The following SPAG16 variants were observed in gnomAD, a reference collection of about 807,000 sequenced individuals.
The protein encoded by SPAG16 is sperm-associated antigen 16 protein.
In SPAG16, 86 loss-of-function variants were observed where a neutral mutation model predicts 80.4. That is an observed-to-expected ratio of 1.07 (90% CI 0.90 to 1.28). SPAG16 has a LOEUF of 1.28. Among genes scored for constraint, SPAG16 ranks in the 50% most tolerant of loss-of-function variants. The probability of loss-of-function intolerance (pLI) is 0.00; values close to 1 mark genes in which losing one functional copy is unlikely to be tolerated. For synonymous variants in SPAG16, 294 were observed against 265.9 expected (o/e 1.11, Z -1.03); for missense variants, 870 against 765.3 (o/e 1.14, Z -1.61).
intron 15 of SPAG16, among the ~76,000 whole-genome samples, chr2:214,246,833 A>C (rs1689883528): frequency 6.6e-6 from 1 of 152,160 alleles, no homozygotes; most frequent in African/African-American, 2.4e-5. Context: ...TTAGGTAAAG[A>C]AAAATGATTC....
At chr2:213,994,981 A>G (rs2046449428) in intron 12 of SPAG16, among the ~76,000 whole-genome samples, 1 of 152,178 alleles carries the variant, frequency 6.6e-6, no homozygotes, top group South Asian at 2.1e-4. Context: ...AATAAAGAAA[A>G]GATTTAATTA....
intron 10 of SPAG16, among the ~76,000 whole-genome samples, chr2:213,789,033 AAAG>A (rs1575140874): frequency 6.6e-6 from 1 of 151,998 alleles, no homozygotes. Context: ...TCTGTCACTG[AAAG>A]AAGAATGTCA....
At chr2:213,776,230 C>G (rs765112026) in intron 10 of SPAG16, among the ~76,000 whole-genome samples, 14 of 152,166 alleles carry the variant, frequency 9.2e-5, no homozygotes, top group Non-Finnish European at 1.9e-4. Flanking sequence ...CCAGTCTAAT[C>G]ATAGGAGCCC....
At chr2:213,288,645 CTTTT>C (rs74889309) in intron 1 of SPAG16, among the ~76,000 whole-genome samples, 3 of 145,454 alleles carry the variant, frequency 2.1e-5, no homozygotes, top group African/African-American at 7.5e-5. Flanking sequence ...TGGTTTTTAA[CTTTT>C]TTTTTTTTTA....
intron 15 of SPAG16, among the ~76,000 whole-genome samples, chr2:214,182,768 G>A (rs150715323): frequency 1.9e-3 from 296 of 151,900 alleles, no homozygotes; most frequent in African/African-American, 6.8e-3. Flanking sequence ...TGTAAGAAAC[G>A]ATCTCCTTAC....
At chr2:213,550,218 T>C (rs1326659093) in intron 10 of SPAG16, among the ~76,000 whole-genome samples, 3 of 128,832 alleles carry the variant, frequency 2.3e-5, no homozygotes. Flanking sequence ...TATCACAGAC[T>C]TTTTTTTTTC....
At chr2:213,928,904 TACACACACACACACACAC>T (rs71063798) in intron 11 of SPAG16, among the ~76,000 whole-genome samples, 18 of 142,978 alleles carry the variant, frequency 1.3e-4, no homozygotes, top group African/African-American at 2.7e-4. Flanking sequence ...CAGCTGATGT[TACACACACACACACACAC>T]ACACACACAC....
intron 15 of SPAG16, among the ~76,000 whole-genome samples, chr2:214,354,458 C>T (rs1007720587): frequency 1.2e-4 from 18 of 152,084 alleles, no homozygotes; most frequent in Admixed American, 9.8e-4. Context: ...GTTCTTTTGG[C>T]TTAGAATTGA....
chr2:213,646,548 A>G (rs887008322), intron 10 of SPAG16, among the ~76,000 whole-genome samples: 14 of 152,256 alleles, frequency 9.2e-5, no homozygotes, highest in African/African-American at 3.4e-4. Context: ...AGAGAATTAC[A>G]TATCATACCA....
intron 10 of SPAG16, among the ~76,000 whole-genome samples, chr2:213,698,827 A>T (rs1345666306): frequency 6.6e-6 from 1 of 152,134 alleles, no homozygotes; most frequent in African/African-American, 2.4e-5. Context: ...TTGAATTCTG[A>T]CCTTGCTTTT....
At chr2:213,383,607 T>C (rs1481709930) in intron 9 of SPAG16, among the ~76,000 whole-genome samples, 1 of 152,158 alleles carries the variant, frequency 6.6e-6, no homozygotes, top group African/African-American at 2.4e-5. Flanking sequence ...TATTACAAGT[T>C]TGTAGGACCT....
chr2:214,161,168 G>A (rs950153222), intron 15 of SPAG16, among the ~76,000 whole-genome samples: 2 of 151,948 alleles, frequency 1.3e-5, no homozygotes, highest in Admixed American at 6.6e-5. Context: ...TTCCATGGTG[G>A]AGATGTACAA....
Position 213,310,182 on chromosome 2 carries a change from A to C in SPAG16, c.398+5A>C, listed in dbSNP as rs188180392. ...TGATTGCTTTCAGTCTGAATGGTAA[A>C]CAATTATGTAGATAAATAGTTCTCT... On this transcript the variant is annotated splice_donor_5th_base_variant and intron_variant, in intron 4 of 15. Coordinates refer to ENST00000331683, the MANE Select transcript of SPAG16 (RefSeq NM_024532.5). 1.8e-5 allele frequency: 28 copies of C among 1,538,734 alleles called. No individual in the cohort carries two copies. In the Admixed American group the frequency reaches 3.6e-4, roughly 20 times the overall value.
At chr2:213,351,181 T>C (rs943767350) in intron 7 of SPAG16, among the ~76,000 whole-genome samples, 1 of 152,202 alleles carries the variant, frequency 6.6e-6, no homozygotes, top group Admixed American at 6.5e-5. Context: ...AATTGAGACA[T>C]AAATTTATAG....
intron 1 of SPAG16, among the ~76,000 whole-genome samples, chr2:213,295,221 G>GA: frequency 6.6e-6 from 1 of 151,894 alleles, no homozygotes; most frequent in East Asian, 1.9e-4. Flanking sequence ...CAGTGTAATC[G>GA]AAAAAAATGT....
chr2:213,434,101 G>A lies in SPAG16; in HGVS notation c.943-55862G>A, dbSNP rs1415154744. Among the ~76,000 whole-genome samples, 9 of 151,790 alleles carry A rather than the reference G, an allele frequency of 5.9e-5. No homozygotes were observed. The South Asian group carries it at 8.3e-4, about 14-fold the overall frequency. On this transcript the variant is annotated intron_variant, in intron 9 of 15. Coordinates refer to ENST00000331683, the MANE Select transcript of SPAG16 (RefSeq NM_024532.5). Reference sequence around the variant, plus strand: ...ACCGGTTAATTTTTTTGTATTTTTAGTACAGACAGGATTTCACCATGTTGG... The same window carrying A: ...ACCGGTTAATTTTTTTGTATTTTTAATACAGACAGGATTTCACCATGTTGG...
At chr2:213,635,491 A>G (rs922147970) in intron 10 of SPAG16, among the ~76,000 whole-genome samples, 7 of 152,268 alleles carry the variant, frequency 4.6e-5, no homozygotes, top group African/African-American at 1.7e-4. Context: ...GAATCTCCAT[A>G]CTGTTTTCCA....
intron 11 of SPAG16, among the ~76,000 whole-genome samples, chr2:213,917,854 T>C (rs2078040090): frequency 6.6e-6 from 1 of 152,160 alleles, no homozygotes; most frequent in African/African-American, 2.4e-5. Flanking sequence ...CTGGTGCTGG[T>C]TTTCAAAGGG....
At chr2:214,160,568 G>A (rs1462885328) in intron 15 of SPAG16, among the ~76,000 whole-genome samples, 3 of 151,134 alleles carry the variant, frequency 2.0e-5, no homozygotes, top group African/African-American at 7.3e-5. Flanking sequence ...CTCCTTTTAT[G>A]TGCCGTTCCT....
Sources: allele counts gnomAD v4.1 joint callset (sites outside exome capture counted in the v4.1 genomes callset), GRCh38; gene constraint gnomAD v4.1.1; transcripts MANE v1.5; gene names NCBI Gene and HGNC (gene_info 2026-07-23, HGNC 2026-07-21).